The following CHST11 variants were observed in gnomAD, a reference collection of about 807,000 sequenced individuals.
CHST11 encodes C4S-1.
Under a neutral mutation model 30.4 loss-of-function variants are expected in CHST11, and 9 were observed. The observed-to-expected ratio is 0.30, with a 90% CI of 0.18 to 0.52. The LOEUF is 0.52. Among genes scored for constraint, CHST11 ranks in the 20% least tolerant of loss-of-function variants. The pLI is 0.97. For synonymous variants in CHST11, 152 were observed against 187.8 expected, an observed-to-expected ratio of 0.81 and a Z score of 1.56; for missense variants, 348 against 460.6, an observed-to-expected ratio of 0.76 and a Z score of 2.24.
intron 1 of CHST11, among the ~76,000 whole-genome samples, chr12:104,495,797 T>G (rs1224624347): frequency 1.3e-5 from 2 of 152,238 alleles, no homozygotes; most frequent in Non-Finnish European, 2.9e-5. Flanking sequence ...AGCCTGTGCC[T>G]GGATTTGAAC....
intron 1 of CHST11, among the ~76,000 whole-genome samples, chr12:104,497,573 A>ACC (rs2037811190): frequency 6.6e-6 from 1 of 151,358 alleles, no homozygotes; most frequent in Non-Finnish European, 1.5e-5. Context: ...TACCTCACGT[A>ACC]TTAAAAAAAA....
chr12:104,517,690 C>T (rs2038037620), intron 1 of CHST11, among the ~76,000 whole-genome samples: 1 of 152,126 alleles, frequency 6.6e-6, no homozygotes, highest in Admixed American at 6.5e-5. Context: ...GTACCAAATT[C>T]TTAGAAGAGA....
intron 1 of CHST11, among the ~76,000 whole-genome samples, chr12:104,462,144 G>A (rs2037413518): frequency 8.1e-6 from 1 of 124,106 alleles, no homozygotes; most frequent in African/African-American, 3.4e-5. Context: ...TCCATCCTGG[G>A]CAACAAGAGT....
intron 1 of CHST11, among the ~76,000 whole-genome samples, chr12:104,550,699 T>TG (rs2038396232): frequency 6.6e-6 from 1 of 152,212 alleles, no homozygotes; most frequent in African/African-American, 2.4e-5. Context: ...TAAAAGTCAG[T>TG]GTGCTGTTTG....
At chr12:104,515,125 G>C (rs2038009695) in intron 1 of CHST11, among the ~76,000 whole-genome samples, 2 of 150,856 alleles carry the variant, frequency 1.3e-5, no homozygotes, top group African/African-American at 4.9e-5. Flanking sequence ...AAATGGTTGG[G>C]AAAAAAAAAT....
intron 2 of CHST11, among the ~76,000 whole-genome samples, chr12:104,710,280 A>G (rs1487365595): frequency 6.6e-6 from 1 of 152,100 alleles, no homozygotes. Flanking sequence ...GCGAGGAGGG[A>G]GGGAGAAAGG....
intron 1 of CHST11, among the ~76,000 whole-genome samples, chr12:104,459,298 G>T (rs2037385684): frequency 6.6e-6 from 1 of 152,204 alleles, no homozygotes; most frequent in South Asian, 2.1e-4. Context: ...GCCCACCGGA[G>T]ACCGGGCCAG....
At chr12:104,589,803 A>G (rs1279537585) in intron 1 of CHST11, among the ~76,000 whole-genome samples, 1 of 152,166 alleles carries the variant, frequency 6.6e-6, no homozygotes, top group Non-Finnish European at 1.5e-5. Context: ...TGAGGTCAGG[A>G]GTTCAAGACC....
At position 104,630,110 on chromosome 12, in the gene CHST11, T is replaced by A. The variant is rs115185399; in HGVS notation, c.204+28119T>A. Among the ~76,000 whole-genome samples the A allele has an allele frequency of 4.0e-3, 604 of 152,322 alleles. 4 individuals carry two copies. The highest frequency in any genetic ancestry group is 0.014 in the African/African-American group (567 of 41,564). ...TACGTAACTCACTTACGGATCTTAGTTATATCTGCAAATCCCTTCGCCCTT... is the reference window on the plus strand; with the variant it reads ...TACGTAACTCACTTACGGATCTTAGATATATCTGCAAATCCCTTCGCCCTT... On this transcript the variant is annotated intron_variant, in intron 2 of 2. Coordinates refer to ENST00000303694, the MANE Select transcript of CHST11 (RefSeq NM_018413.6).
intron 2 of CHST11, among the ~76,000 whole-genome samples, chr12:104,696,502 A>AAAAAAAAAAAAAAC (rs2039948071): frequency 2.0e-5 from 3 of 149,862 alleles, no homozygotes; most frequent in African/African-American, 7.4e-5. Flanking sequence ...AAAAAAAAAA[A>AAAAAAAAAAAAAAC]AAAAACATAG....
intron 2 of CHST11, among the ~76,000 whole-genome samples, chr12:104,663,469 A>C (rs835483): frequency 0.18 from 26,900 of 152,158 alleles, 2,525 homozygotes; most frequent in Non-Finnish European, 0.19. Context: ...AATTTTGATA[A>C]ATATCTTTCC....
At chr12:104,596,428 C>T (rs1387674360) in intron 1 of CHST11, among the ~76,000 whole-genome samples, 2 of 152,168 alleles carry the variant, frequency 1.3e-5, no homozygotes, top group Non-Finnish European at 2.9e-5. Context: ...TGATTTAGTA[C>T]AGCAGTGCTT....
chr12:104,728,780 C>T (rs913978699), intron 2 of CHST11, among the ~76,000 whole-genome samples: 1 of 152,144 alleles, frequency 6.6e-6, no homozygotes, highest in Non-Finnish European at 1.5e-5. Context: ...AGCTCTTAGA[C>T]TCCTTGGAGG....
At chr12:104,726,236 T>C (rs2040215412) in intron 2 of CHST11, among the ~76,000 whole-genome samples, 1 of 152,186 alleles carries the variant, frequency 6.6e-6, no homozygotes, top group African/African-American at 2.4e-5. Flanking sequence ...AGCTTCAAAG[T>C]TCAATGGTAA....
chr12:104,630,868 G>C (rs2039263624), intron 2 of CHST11, among the ~76,000 whole-genome samples: 1 of 152,184 alleles, frequency 6.6e-6, no homozygotes, highest in Admixed American at 6.5e-5. Flanking sequence ...TGTGTCAGCA[G>C]CTGCACCCCA....
chr12:104,663,380 T>C (rs2039614290), intron 2 of CHST11, among the ~76,000 whole-genome samples: 1 of 152,208 alleles, frequency 6.6e-6, no homozygotes, highest in Non-Finnish European at 1.5e-5. Context: ...GTATAGAAAG[T>C]ATAGAAAATA....
intron 2 of CHST11, among the ~76,000 whole-genome samples, chr12:104,643,896 A>G (rs143890211): frequency 5.3e-5 from 8 of 152,240 alleles, no homozygotes; most frequent in Admixed American, 1.3e-4. Flanking sequence ...TCATAAAGAG[A>G]CTTGTCAAAC....
At chr12:104,531,423 G>T (rs1486024313) in intron 1 of CHST11, among the ~76,000 whole-genome samples, 1 of 148,960 alleles carries the variant, frequency 6.7e-6, no homozygotes, top group Non-Finnish European at 1.5e-5. Context: ...GGTTGAGGCT[G>T]CAGTGAGCTA....
At chr12:104,466,353 T>C (rs145829741) in intron 1 of CHST11, among the ~76,000 whole-genome samples, 82 of 152,220 alleles carry the variant, frequency 5.4e-4, no homozygotes, top group Non-Finnish European at 1.0e-3. Flanking sequence ...CAAAACTGAC[T>C]CACTAGGGGT....
Sources: allele counts gnomAD v4.1 joint callset (sites outside exome capture counted in the v4.1 genomes callset), GRCh38; gene constraint gnomAD v4.1.1; transcripts MANE v1.5; gene names NCBI Gene and HGNC (gene_info 2026-07-23, HGNC 2026-07-21).